The following LARGE1 variants were observed in gnomAD, a reference collection of about 807,000 sequenced individuals.
LARGE1 encodes the protein LARGE xylosyl- and glucuronyltransferase 1.
A neutral mutation model predicts 87.6 loss-of-function variants in LARGE1; 43 were observed. That is an observed-to-expected ratio of 0.49 (90% CI 0.38 to 0.63). The LOEUF (loss-of-function observed/expected upper bound fraction) is 0.63, where lower values mean the gene tolerates loss of function less well. LARGE1 is among the 30% of genes least tolerant of loss of function. The pLI is 0.00. For missense variants in LARGE1, 802 were observed against 1,000.2 expected, an observed-to-expected ratio of 0.80 and a Z score of 2.67; for synonymous variants, 434 against 394.6, an observed-to-expected ratio of 1.10 and a Z score of -1.18.
intron 2 of LARGE1, among the ~76,000 whole-genome samples, chr22:33,670,514 A>C (rs1397431448): frequency 2.0e-5 from 3 of 152,020 alleles, no homozygotes; most frequent in Non-Finnish European, 2.9e-5. Flanking sequence ...CCAGGGTGCC[A>C]AAGTGGACCC....
At chr22:33,808,478 G>A (rs900385289) in intron 1 of LARGE1, among the ~76,000 whole-genome samples, 3 of 152,200 alleles carry the variant, frequency 2.0e-5, no homozygotes, top group Non-Finnish European at 2.9e-5. Context: ...AAGGTGCTTG[G>A]CACAAATAGG....
chr22:33,377,392 A>G (rs550761817), intron 9 of LARGE1, among the ~76,000 whole-genome samples: 1 of 152,344 alleles, frequency 6.6e-6, no homozygotes, highest in Non-Finnish European at 1.5e-5. Context: ...AAACAATTAT[A>G]AAATCCTCTT....
chr22:33,396,851 T>C (rs1161047229), intron 7 of LARGE1, among the ~76,000 whole-genome samples: 3 of 152,226 alleles, frequency 2.0e-5, no homozygotes, highest in Non-Finnish European at 4.4e-5. Context: ...AAGGTTGTGA[T>C]AGAACTAAGG....
chr22:33,263,898 G>T (rs1927783082), intron 11 of LARGE1, among the ~76,000 whole-genome samples: 1 of 152,184 alleles, frequency 6.6e-6, no homozygotes, highest in Non-Finnish European at 1.5e-5. Context: ...GAGCTACCTG[G>T]GTTCAAATCT....
At chr22:33,241,215 GCTCT>G (rs3071497) in intron 11 of LARGE1, among the ~76,000 whole-genome samples, 4 of 151,092 alleles carry the variant, frequency 2.6e-5, no homozygotes, top group African/African-American at 9.7e-5. Flanking sequence ...GAAGACATAT[GCTCT>G]CTCTCTCTCT....
the LARGE1 span, among the ~76,000 whole-genome samples, chr22:33,111,759 G>C: frequency 0.32 from 48,340 of 152,090 alleles, 8,041 homozygotes; most frequent in East Asian, 0.58. Context: ...TCTGTAGGGG[G>C]TTGTGATGAA....
intron 11 of LARGE1, among the ~76,000 whole-genome samples, chr22:33,197,326 A>C (rs929439637): frequency 6.6e-6 from 1 of 152,116 alleles, no homozygotes; most frequent in Non-Finnish European, 1.5e-5. Context: ...AACAAAGAGC[A>C]CAAATGTTTG....
chr22:33,069,969 C>T, the LARGE1 span, among the ~76,000 whole-genome samples: 1 of 152,128 alleles, frequency 6.6e-6, no homozygotes, highest in Admixed American at 6.6e-5. Context: ...GGATTACAGG[C>T]ATGCGCCATC....
intron 6 of LARGE1, among the ~76,000 whole-genome samples, chr22:33,433,322 T>C (rs1268420178): frequency 6.6e-6 from 1 of 151,888 alleles, no homozygotes; most frequent in East Asian, 1.9e-4. Flanking sequence ...GAGGGCTGGG[T>C]GCGGTGGCTC....
chr22:33,420,493 T>C (rs1469635760), intron 7 of LARGE1, among the ~76,000 whole-genome samples: 1 of 152,124 alleles, frequency 6.6e-6, no homozygotes, highest in Non-Finnish European at 1.5e-5. Context: ...GAGGCTGTAG[T>C]TTGGAGGCAG....
intron 1 of LARGE1, among the ~76,000 whole-genome samples, chr22:33,807,345 G>A (rs9609874): frequency 0.2 from 31,114 of 152,052 alleles, 4,135 homozygotes; most frequent in East Asian, 0.41. Context: ...ATTCACTTTC[G>A]TAACCAGGTC....
chr22:33,208,508 T>C (rs1218659152), intron 11 of LARGE1, among the ~76,000 whole-genome samples: 1 of 152,222 alleles, frequency 6.6e-6, no homozygotes, highest in African/African-American at 2.4e-5. Flanking sequence ...TGGAGGTCTA[T>C]GAGCATCCTT....
intron 11 of LARGE1, among the ~76,000 whole-genome samples, chr22:33,172,211 T>C (rs1922614336): frequency 1.3e-5 from 2 of 152,252 alleles, no homozygotes; most frequent in South Asian, 4.1e-4. Flanking sequence ...TGTACCCCCA[T>C]TGTATCTTGG....
chr22:33,409,704 A>G (rs1386996603), intron 7 of LARGE1, among the ~76,000 whole-genome samples: 2 of 152,028 alleles, frequency 1.3e-5, no homozygotes, highest in Non-Finnish European at 2.9e-5. Flanking sequence ...TACTAAAAAT[A>G]CAAAAAATTA....
chr22:33,712,393 C>T (rs967218050), intron 2 of LARGE1, among the ~76,000 whole-genome samples: 3 of 152,022 alleles, frequency 2.0e-5, no homozygotes, highest in Non-Finnish European at 2.9e-5. Flanking sequence ...ATCACAGGCT[C>T]GAAGGCTTCT....
At chr22:33,178,033 GCCTC>G (rs1922971278) in intron 11 of LARGE1, among the ~76,000 whole-genome samples, 1 of 152,140 alleles carries the variant, frequency 6.6e-6, no homozygotes, top group African/African-American at 2.4e-5. Flanking sequence ...GATTCCTGAA[GCCTC>G]CCAGCCATGT....
At chr22:33,182,871 CAT>C (rs1289396803) in intron 11 of LARGE1, among the ~76,000 whole-genome samples, 1 of 152,042 alleles carries the variant, frequency 6.6e-6, no homozygotes, top group African/African-American at 2.4e-5. Flanking sequence ...TAGAAGAAAA[CAT>C]AGGAGAAAAG....
chr22:33,356,021 C>T (rs566420109), intron 9 of LARGE1, among the ~76,000 whole-genome samples: 83 of 133,914 alleles, frequency 6.2e-4, no homozygotes, highest in African/African-American at 2.2e-3. Context: ...CATAGAACTC[C>T]GCTCTCCCCA....
chr22:33,579,330 AC>A (rs2078444918), intron 5 of LARGE1, among the ~76,000 whole-genome samples: 1 of 152,202 alleles, frequency 6.6e-6, no homozygotes, highest in African/African-American at 2.4e-5. Context: ...CTTGCCTTCC[AC>A]CATGATTGTG....
Sources: gnomAD v4.1 joint callset for allele counts (sites outside exome capture counted in the v4.1 genomes callset) on GRCh38, gnomAD v4.1.1 for gene constraint, MANE v1.5 for transcripts, NCBI Gene and HGNC (gene_info 2026-07-23, HGNC 2026-07-21) for gene names.